The following MAPK4 variants were observed in gnomAD, a reference collection of about 807,000 sequenced individuals.
MAPK4 encodes the protein mitogen-activated protein kinase 4.
A neutral mutation model predicts 47.7 loss-of-function variants in MAPK4; 22 were observed. That is an observed-to-expected ratio of 0.46 (90% CI 0.33 to 0.66). The LOEUF (loss-of-function observed/expected upper bound fraction) is 0.66. Ranked by LOEUF, MAPK4 falls within the 30% of genes least tolerant of loss-of-function variation. The pLI is 0.02. For synonymous variants in MAPK4, 390 were observed against 365.7 expected, an observed-to-expected ratio of 1.07 and a Z score of -0.76; for missense variants, 736 against 831.7, an observed-to-expected ratio of 0.88 and a Z score of 1.42.
chr18:50,612,605 T>G (rs1462625070), intron 1 of MAPK4, among the ~76,000 whole-genome samples: 1 of 152,228 alleles, frequency 6.6e-6, no homozygotes, highest in Non-Finnish European at 1.5e-5. Context: ...AATTGCATTC[T>G]TGGACATTTT....
intron 3 of MAPK4, among the ~76,000 whole-genome samples, chr18:50,721,690 G>C (rs1245686825): frequency 6.6e-6 from 1 of 152,216 alleles, no homozygotes; most frequent in Admixed American, 6.5e-5. Flanking sequence ...AATGCTAGGG[G>C]AATAGATGGG....
At chr18:50,725,079 A>G (rs978017719) in intron 4 of MAPK4, among the ~76,000 whole-genome samples, 4 of 152,214 alleles carry the variant, frequency 2.6e-5, no homozygotes, top group African/African-American at 9.6e-5. Context: ...GCATACATTC[A>G]TGCTGGTTAG....
chr18:50,729,928 G>A lies in MAPK4; in HGVS notation c.*74G>A, dbSNP rs1911466331. The A allele has an allele frequency of 2.9e-6, 4 of 1,400,736 alleles. No individual in the cohort carries two copies. The highest frequency in any genetic ancestry group is 3.8e-6 in the Non-Finnish European group (4 of 1,051,420). The allele number at this position is 1,400,736 out of a possible 1,614,324, so 86.8% of individuals were successfully genotyped here. ...AAGCCGGGGCTGGCAGGAGGCGGCC[G>A]CCCTTCCCGCCCCTCTCTGCTGCCT... On this transcript the variant is annotated 3_prime_UTR_variant, in exon 6 of 6. Transcript: ENST00000400384.
intron 1 of MAPK4, among the ~76,000 whole-genome samples, chr18:50,567,810 G>A (rs542689819): frequency 4.9e-4 from 73 of 150,308 alleles, no homozygotes; most frequent in African/African-American, 1.7e-3. Flanking sequence ...TTATCTATTT[G>A]AGTGTAGTGT....
chr18:50,610,042 G>A (rs950475824), intron 1 of MAPK4, among the ~76,000 whole-genome samples: 9 of 152,196 alleles, frequency 5.9e-5, no homozygotes, highest in African/African-American at 1.4e-4. Flanking sequence ...TTTGCAAGAG[G>A]TGAATTAACT....
At chr18:50,561,481 T>C (rs2045533) in intron 1 of MAPK4, among the ~76,000 whole-genome samples, 61,552 of 152,138 alleles carry the variant, frequency 0.4, 13,390 homozygotes, top group Middle Eastern at 0.49. Context: ...GTTCTCAATG[T>C]AACAGATATT....
At chr18:50,565,508 G>A (rs1917800453) in intron 1 of MAPK4, among the ~76,000 whole-genome samples, 1 of 152,170 alleles carries the variant, frequency 6.6e-6, no homozygotes, top group Admixed American at 6.5e-5. Context: ...ACCTGAGCCT[G>A]GGATGAGATG....
intron 1 of MAPK4, among the ~76,000 whole-genome samples, chr18:50,656,880 G>A (rs2043115592): frequency 6.6e-6 from 1 of 152,138 alleles, no homozygotes; most frequent in African/African-American, 2.4e-5. Context: ...GTTACTGTCA[G>A]ATCATCTCAG....
rs144261861 is a variant in MAPK4 at position 50,719,019 on chromosome 18, G to A, written c.692-2919G>A. Among the ~76,000 whole-genome samples the A allele has an allele frequency of 5.5e-4, 81 of 147,884 alleles. 2 individuals carry two copies. The East Asian group carries it at 0.014, about 26-fold the overall frequency. ...GAATTGCTTGAACCAGGACGGTGGA[G>A]GTTCCAGTGAGCCGAGATCGTGCCA... On this transcript the variant is annotated intron_variant, in intron 3 of 5. Coordinates refer to ENST00000400384, the MANE Select transcript of MAPK4 (RefSeq NM_002747.4).
chr18:50,650,974 G>T (rs1232855182), intron 1 of MAPK4, among the ~76,000 whole-genome samples: 1 of 152,178 alleles, frequency 6.6e-6, no homozygotes, highest in African/African-American at 2.4e-5. Flanking sequence ...ATGCCAAAAT[G>T]GGTTGGGCCT....
At chr18:50,672,148 AG>A (rs1384382590) in intron 2 of MAPK4, among the ~76,000 whole-genome samples, 2 of 152,150 alleles carry the variant, frequency 1.3e-5, no homozygotes, top group Admixed American at 1.3e-4. Context: ...GGCAACCCAC[AG>A]GGTGCAGGGA....
chr18:50,695,229 C>G (rs942727979), intron 2 of MAPK4, among the ~76,000 whole-genome samples: 1 of 151,684 alleles, frequency 6.6e-6, no homozygotes, highest in African/African-American at 2.4e-5. Flanking sequence ...GACTGTAATC[C>G]CAGCTACTCA....
chr18:50,729,922 G>A lies in MAPK4; in HGVS notation c.*68G>A, dbSNP rs535712213. On this transcript the variant is annotated 3_prime_UTR_variant, in exon 6 of 6. Transcript: ENST00000400384. Reference sequence around the variant, plus strand: ...CAGAGAAAGCCGGGGCTGGCAGGAGGCGGCCGCCCTTCCCGCCCCTCTCTG... The same window carrying A: ...CAGAGAAAGCCGGGGCTGGCAGGAGACGGCCGCCCTTCCCGCCCCTCTCTG... The A allele has an allele frequency of 2.8e-5, 41 of 1,441,734 alleles. No homozygotes were observed. The highest frequency in any genetic ancestry group is 4.9e-5 in the Admixed American group (2 of 40,642). 89.3% of individuals were successfully genotyped at this position (1,441,734 alleles called of 1,614,324 possible). A position where few individuals can be genotyped will look rare whatever the true frequency, so the allele number is the denominator to read the frequency against.
chr18:50,571,027 A>C (rs746762318), intron 1 of MAPK4, among the ~76,000 whole-genome samples: 1 of 152,128 alleles, frequency 6.6e-6, no homozygotes, highest in Non-Finnish European at 1.5e-5. Context: ...CTGTCTGCCC[A>C]GGGAACCATA....
At chr18:50,569,845 C>G (rs993645288) in intron 1 of MAPK4, among the ~76,000 whole-genome samples, 3 of 152,240 alleles carry the variant, frequency 2.0e-5, no homozygotes, top group African/African-American at 7.2e-5. Flanking sequence ...CGCTGCTCAG[C>G]TTCCTAGCTT....
chr18:50,699,471 G>C (rs935622382), intron 2 of MAPK4, among the ~76,000 whole-genome samples: 4 of 152,126 alleles, frequency 2.6e-5, no homozygotes, highest in Non-Finnish European at 5.9e-5. Flanking sequence ...TTAATAAAAA[G>C]ACTTTAGCAA....
chr18:50,718,593 T>C (rs1443777418), intron 3 of MAPK4, among the ~76,000 whole-genome samples: 2 of 152,196 alleles, frequency 1.3e-5, no homozygotes, highest in Non-Finnish European at 2.9e-5. Context: ...TAAGGAGTAA[T>C]GAGAGACCCA....
At chr18:50,613,547 C>G (rs1258043655) in intron 1 of MAPK4, among the ~76,000 whole-genome samples, 1 of 152,222 alleles carries the variant, frequency 6.6e-6, no homozygotes, top group African/African-American at 2.4e-5. Flanking sequence ...TGTGTCTACA[C>G]TCCTTACCCA....
chr18:50,724,557 T>C (rs1207325226), intron 4 of MAPK4, among the ~76,000 whole-genome samples: 1 of 152,220 alleles, frequency 6.6e-6, no homozygotes, highest in Non-Finnish European at 1.5e-5. Context: ...AGGCAGATCC[T>C]CTTTTAAGTT....
Sources: allele counts gnomAD v4.1 joint callset (sites outside exome capture counted in the v4.1 genomes callset), GRCh38; gene constraint gnomAD v4.1.1; transcripts MANE v1.5; gene names NCBI Gene and HGNC (gene_info 2026-07-23, HGNC 2026-07-21).